Variants in GPATCH2 observed in about 807,000 individuals in gnomAD.
The protein encoded by GPATCH2 is G patch domain-containing protein 2.
GPATCH2 carries 51 observed loss-of-function variants against 58.0 expected under a neutral mutation model. The ratio of observed to expected loss-of-function variants is 0.88; its 90% CI spans 0.70 to 1.11. The LOEUF (loss-of-function observed/expected upper bound fraction) is 1.11, where lower values mean the gene tolerates loss of function less well. Among genes scored for constraint, GPATCH2 ranks in the 50% most tolerant of loss-of-function variants. GPATCH2 has a pLI of 0.00. For missense variants in GPATCH2, 625 were observed against 652.2 expected (o/e 0.96, Z 0.45); for synonymous variants, 222 against 218.5 (o/e 1.02, Z -0.14).
At chr1:217,603,383 T>C (rs1194423390) in intron 5 of GPATCH2, among the ~76,000 whole-genome samples, 2 of 152,198 alleles carry the variant, frequency 1.3e-5, no homozygotes, top group African/African-American at 4.8e-5. Context: ...TAATACACAT[T>C]AAAATACTGT....
intron 5 of GPATCH2, among the ~76,000 whole-genome samples, chr1:217,588,571 A>T (rs1164798669): frequency 6.6e-6 from 1 of 152,208 alleles, no homozygotes; most frequent in African/African-American, 2.4e-5. Context: ...GAAAAATTCC[A>T]GTCATATAAT....
chr1:217,433,735 A>G (rs923478954), intron 9 of GPATCH2, among the ~76,000 whole-genome samples: 1 of 152,282 alleles, frequency 6.6e-6, no homozygotes, highest in Admixed American at 6.5e-5. Flanking sequence ...TGAACTATGT[A>G]TTTCACAGTA....
At chr1:217,523,600 G>A (rs1663599291) in intron 5 of GPATCH2, among the ~76,000 whole-genome samples, 1 of 151,740 alleles carries the variant, frequency 6.6e-6, no homozygotes. Flanking sequence ...ACAACCATCC[G>A]ATTTCTCAAT....
chr1:217,464,600 C>T (rs142315461), intron 8 of GPATCH2, among the ~76,000 whole-genome samples: 95 of 152,020 alleles, frequency 6.2e-4, no homozygotes, highest in African/African-American at 2.2e-3. Flanking sequence ...AAAACCCACA[C>T]CAAGGAAAAA....
In GPATCH2 at chr1:217,564,135, A is replaced by C. The variant is rs145356461; in HGVS notation, c.1098+46186T>G. On this transcript the variant is annotated intron_variant, in intron 5 of 9. Coordinates refer to ENST00000366935, the MANE Select transcript of GPATCH2 (RefSeq NM_018040.5). ...TTGAAGACAGAAAGGAATGTTGTGA[A>C]TTACTCAAAGAGTTCAAAAAGTTTC... 4.5e-4 allele frequency among the ~76,000 whole-genome samples: 69 copies of C among 151,972 alleles called. No individual in the cohort carries two copies. In the East Asian group the frequency reaches 0.012, roughly 27 times the overall value.
chr1:217,604,757 G>T (rs1275189660), intron 5 of GPATCH2, among the ~76,000 whole-genome samples: 1 of 151,932 alleles, frequency 6.6e-6, no homozygotes, highest in Non-Finnish European at 1.5e-5. Context: ...CTAGTGTGAT[G>T]GATCATGCCT....
At chr1:217,589,638 G>A (rs1489458519) in intron 5 of GPATCH2, among the ~76,000 whole-genome samples, 1 of 152,052 alleles carries the variant, frequency 6.6e-6, no homozygotes, top group African/African-American at 2.4e-5. Flanking sequence ...TAACACATTG[G>A]ATGAGATATA....
intron 5 of GPATCH2, among the ~76,000 whole-genome samples, chr1:217,567,004 G>A (rs1391634065): frequency 6.7e-6 from 1 of 150,366 alleles, no homozygotes; most frequent in African/African-American, 2.4e-5. Context: ...TTATGGCTAT[G>A]AGTGTACAAC....
intron 8 of GPATCH2, among the ~76,000 whole-genome samples, chr1:217,455,391 G>A (rs143921869): frequency 1.3e-5 from 2 of 152,140 alleles, no homozygotes; most frequent in African/African-American, 4.8e-5. Context: ...CCTACCTGTT[G>A]GCAACTCTTG....
chr1:217,463,352 G>A (rs1193838708), intron 8 of GPATCH2, among the ~76,000 whole-genome samples: 1 of 152,068 alleles, frequency 6.6e-6, no homozygotes, highest in Non-Finnish European at 1.5e-5. Context: ...AGATGGTATA[G>A]TTTACTTGAG....
chr1:217,542,493 C>G (rs1664797043), intron 5 of GPATCH2, among the ~76,000 whole-genome samples: 1 of 152,114 alleles, frequency 6.6e-6, no homozygotes, highest in African/African-American at 2.4e-5. Flanking sequence ...GGGAAGGATT[C>G]CAGAGATAAG....
chr1:217,435,569 C>T (rs1658785156), intron 9 of GPATCH2, among the ~76,000 whole-genome samples: 1 of 152,186 alleles, frequency 6.6e-6, no homozygotes, highest in South Asian at 2.1e-4. Flanking sequence ...CCGCCTCTGT[C>T]CCTATCTTGT....
intron 5 of GPATCH2, among the ~76,000 whole-genome samples, chr1:217,526,180 C>G (rs545059394): frequency 6.6e-6 from 1 of 152,144 alleles, no homozygotes; most frequent in East Asian, 1.9e-4. Flanking sequence ...TCTCAAGGAC[C>G]AATAGTAATT....
chr1:217,474,423 A>T (rs1392766097), intron 8 of GPATCH2, among the ~76,000 whole-genome samples: 1 of 152,230 alleles, frequency 6.6e-6, no homozygotes, highest in Non-Finnish European at 1.5e-5. Context: ...CCTAGATGAA[A>T]ATTAATGTGA....
At chr1:217,491,469 A>G in intron 8 of GPATCH2, 1 of 226,218 alleles carries the variant, frequency 4.4e-6, no homozygotes. Context: ...TTATTTTAAA[A>G]ATTAATTATT....
At chr1:217,455,544 T>A (rs1659903307) in intron 8 of GPATCH2, among the ~76,000 whole-genome samples, 1 of 152,116 alleles carries the variant, frequency 6.6e-6, no homozygotes, top group African/African-American at 2.4e-5. Flanking sequence ...AGTCAGAGGG[T>A]TCGAGTCCAA....
At chr1:217,442,143 C>T (rs561521977) in intron 9 of GPATCH2, among the ~76,000 whole-genome samples, 14 of 152,246 alleles carry the variant, frequency 9.2e-5, no homozygotes, top group African/African-American at 2.9e-4. Flanking sequence ...ACATATGCAC[C>T]ATGGAATACT....
chr1:217,592,107 T>G (rs12045640), intron 5 of GPATCH2, among the ~76,000 whole-genome samples: 7 of 151,728 alleles, frequency 4.6e-5, no homozygotes, highest in African/African-American at 1.7e-4. Context: ...AGAAAATGTA[T>G]CTTTTCCTTG....
intron 5 of GPATCH2, among the ~76,000 whole-genome samples, chr1:217,552,945 C>G (rs1665433458): frequency 6.6e-6 from 1 of 152,058 alleles, no homozygotes; most frequent in African/African-American, 2.4e-5. Flanking sequence ...TTAATCATCT[C>G]AGGAGTGTGA....
Sources: gnomAD v4.1 joint callset for allele counts (sites outside exome capture counted in the v4.1 genomes callset) on GRCh38, gnomAD v4.1.1 for gene constraint, MANE v1.5 for transcripts, NCBI Gene and HGNC (gene_info 2026-07-23, HGNC 2026-07-21) for gene names.